UNC5A: variants seen among roughly 807,000 people sequenced by gnomAD.
UNC5A encodes the protein netrin receptor UNC5A.
Under a neutral mutation model 87.4 loss-of-function variants are expected in UNC5A, and 20 were observed. The ratio of observed to expected loss-of-function variants is 0.23; its 90% confidence interval spans 0.16 to 0.33. The LOEUF (loss-of-function observed/expected upper bound fraction) is 0.33, where lower values mean the gene tolerates loss of function less well. Ranked by LOEUF, UNC5A falls within the 10% of genes least tolerant of loss-of-function variation. UNC5A has a pLI of 1.00. For missense variants in UNC5A, 844 were observed against 1,133.4 expected, an observed-to-expected ratio of 0.74 and a Z score of 3.67; for synonymous variants, 438 against 482.3, an observed-to-expected ratio of 0.91 and a Z score of 1.20.
chr5:176,832,381 A>G (rs1160959688), intron 1 of UNC5A, among the ~76,000 whole-genome samples: 1 of 152,178 alleles, frequency 6.6e-6, no homozygotes, highest in Admixed American at 6.5e-5. Flanking sequence ...CAATGGCAGG[A>G]GCAAAGTCCA....
At chr5:176,853,934 C>A (rs548483460) in intron 1 of UNC5A, among the ~76,000 whole-genome samples, 1 of 152,352 alleles carries the variant, frequency 6.6e-6, no homozygotes, top group Non-Finnish European at 1.5e-5. Context: ...AAAACCTCAT[C>A]CGCTATTTGC....
At position 176,861,737 on chromosome 5, in the gene UNC5A, G is replaced by C. The variant is rs142562770; in HGVS notation, c.71-887G>C. Among the ~76,000 whole-genome samples, 3 of 152,340 alleles carry C rather than the reference G, an allele frequency of 2.0e-5. No homozygotes were observed. The East Asian group carries it at 5.8e-4, about 29-fold the overall frequency. On this transcript the variant is annotated intron_variant, in intron 1 of 14. Transcript: ENST00000329542. ...GGTCACCACTAAGATGAGCAGAATA[G>C]ATGGTCTGGAAACCCAGGGTTTCCC...
At chr5:176,877,788 G>C in intron 10 of UNC5A, 85 bp downstream of exon 10, 1 of 1,518,018 alleles carries the variant, frequency 6.6e-7, no homozygotes, top group East Asian at 2.4e-5. Context: ...GGGTGGTCCT[G>C]AGCCGCACCC....
chr5:176,846,430 GA>G (rs1757404396), intron 1 of UNC5A, among the ~76,000 whole-genome samples: 1 of 152,196 alleles, frequency 6.6e-6, no homozygotes. Flanking sequence ...AGACAGCAAA[GA>G]GTTTAATGAA....
Position 176,841,303 on chromosome 5 carries a change from GTGAA to G in UNC5A, c.71-21320_71-21317del, listed in dbSNP as rs1287822867. On this transcript the variant is annotated intron_variant, in intron 1 of 14. Coordinates refer to ENST00000329542, the MANE Select transcript of UNC5A (RefSeq NM_133369.3). The surrounding 1 kb of genome is among the most constrained non-coding windows in gnomAD (Gnocchi z 4.1). ...CTGTGCCAGAGTGAGCCAGCCAGAG[GTGAA>G]GCGGGGACTCAGACTCAGCTCCCAG... 6.6e-6 allele frequency among the ~76,000 whole-genome samples: 1 copy of G among 152,172 alleles called. No individual in the cohort carries two copies. The highest frequency in any genetic ancestry group is 1.5e-5 in the Non-Finnish European group (1 of 68,034).
chr5:176,878,677 C>T (rs478253), intron 13 of UNC5A, 38 bp downstream of exon 13: 571,857 of 1,582,150 alleles, frequency 0.36, 111,459 homozygotes, highest in Non-Finnish European at 0.41. Flanking sequence ...GTGACGTGCT[C>T]CCACTACCAA....
chr5:176,813,634 T>C (rs1368321337), intron 1 of UNC5A, among the ~76,000 whole-genome samples: 1 of 152,178 alleles, frequency 6.6e-6, no homozygotes, highest in Non-Finnish European at 1.5e-5. Flanking sequence ...GGGATAGGCA[T>C]TGATCCAGGT....
rs929072108 is a variant in UNC5A at position 176,862,823 on chromosome 5, G to A, written c.270G>A (p.Glu90=). The A allele has an allele frequency of 2.5e-6, 4 of 1,613,216 alleles. No homozygotes were observed. The highest frequency in any genetic ancestry group is 3.4e-6 in the Non-Finnish European group (4 of 1,179,878). ...TGCGCCAGGTGGACCACGTGATCGA[G>A]CGCAGCACAGACGGGAGCAGTGGTG... ...EWVRQVDHVI[E]RSTDGSSGLP... Residue 90 remains glutamate (E), a synonymous_variant, in exon 2 of 15, where the codon GAG becomes GAA. Coordinates refer to ENST00000329542, the MANE Select transcript of UNC5A (RefSeq NM_133369.3).
chr5:176,817,816 G>T (rs998313508), intron 1 of UNC5A, among the ~76,000 whole-genome samples: 1 of 151,870 alleles, frequency 6.6e-6, no homozygotes, highest in African/African-American at 2.4e-5. Context: ...CGGGGCTGCG[G>T]GAGGCTCGCG....
rs1251429107 is a variant in UNC5A, at chr5:176,877,942, C to T, written c.1684C>T (p.Gln562Ter). The T allele has an allele frequency of 6.2e-7, 1 of 1,603,872 alleles. No individual in the cohort carries two copies. Among genetic ancestry groups the T allele is most frequent in the Non-Finnish European group, 8.5e-7 (1 of 1,179,868 alleles). The part of the protein sequence containing the change: ...EEAPSHLYYC[Q>*]LEASACYVFT... ...GGCGCCCTCCCACCTCTACTACTGC[C>T]AGCTGGAGGCCAGTGCCTGCTACGT... The change falls in exon 11 of 15, where the codon CAG becomes TAG. Residue 562 changes from glutamine to a stop codon, truncating the protein, a stop_gained. Transcript: ENST00000329542. LOFTEE classifies it high-confidence loss of function.
At chr5:176,826,742 G>A (rs1756865333) in intron 1 of UNC5A, among the ~76,000 whole-genome samples, 1 of 145,714 alleles carries the variant, frequency 6.9e-6, no homozygotes. Flanking sequence ...CCGGGTTCAC[G>A]CCATTCTCCT....
chr5:176,877,930 C>A lies in UNC5A; in HGVS notation c.1672C>A (p.Leu558Ile). The part of the protein sequence containing the change: ...LHLGEEAPSH[L>I]YYCQLEASAC... ...CCTGGGCGAGGAGGCGCCCTCCCAC[C>A]TCTACTACTGCCAGCTGGAGGCCAG... Residue 558 changes from leucine (L) to isoleucine (I), a missense_variant, in exon 11 of 15, where the codon CTC (leucine) becomes ATC (isoleucine). Transcript: ENST00000329542. 1 of 1,603,456 alleles carries A rather than the reference C, an allele frequency of 6.2e-7. No individual in the cohort carries two copies.
chr5:176,840,684 C>A (rs368793119), intron 1 of UNC5A, among the ~76,000 whole-genome samples: 15 of 152,336 alleles, frequency 9.8e-5, no homozygotes, highest in African/African-American at 1.7e-4. Flanking sequence ...GCCTCTCCCC[C>A]CCTGGCCCAG....
intron 6 of UNC5A, among the ~76,000 whole-genome samples, chr5:176,871,767 C>T (rs1308136808): frequency 1.6e-5 from 1 of 63,020 alleles, no homozygotes; most frequent in Non-Finnish European, 4.1e-5. Flanking sequence ...TGCCCACACT[C>T]GCCCAACACC....
chr5:176,818,389 CCTT>C (rs1263618398), intron 1 of UNC5A, among the ~76,000 whole-genome samples: 1 of 152,250 alleles, frequency 6.6e-6, no homozygotes, highest in Non-Finnish European at 1.5e-5. Flanking sequence ...AATTCATTCT[CCTT>C]CTGCTAAGAG....
Position 176,848,803 on chromosome 5 carries a change from G to A in UNC5A, c.71-13821G>A, listed in dbSNP as rs979166707. Among the ~76,000 whole-genome samples the A allele has an allele frequency of 3.9e-5, 6 of 152,270 alleles. No homozygotes were observed. The highest frequency in any genetic ancestry group is 3.9e-4 in the East Asian group (2 of 5,180). ...ACGGGCACACAAGATGGGCAGCCGC[G>A]GCCTGGGCCCTGCGCGTCTCGGGAT... On this transcript the variant is annotated intron_variant, in intron 1 of 14. Transcript: ENST00000329542. The surrounding 1 kb of genome is among the most constrained non-coding windows in gnomAD (Gnocchi z 5.8).
chr5:176,843,005 A>T (rs1023267337), intron 1 of UNC5A, among the ~76,000 whole-genome samples: 1 of 152,130 alleles, frequency 6.6e-6, no homozygotes, highest in Non-Finnish European at 1.5e-5. Context: ...TACTAAAAAT[A>T]CAAAAATTAG....
rs1463708458 is a variant in UNC5A at position 176,877,981 on chromosome 5, C to T, written c.1723C>T (p.Leu575=). 1.2e-6 allele frequency: 2 copies of T among 1,605,610 alleles called. No individual in the cohort carries two copies. The highest frequency in any genetic ancestry group is 1.7e-6 in the Non-Finnish European group (2 of 1,179,938). ...TGCCTGCTACGTCTTCACCGAGCAGCTGGGCCGCTTTGCCCTGGTGGGAGA... is the reference window on the plus strand; with the variant it reads ...TGCCTGCTACGTCTTCACCGAGCAGTTGGGCCGCTTTGCCCTGGTGGGAGA... The part of the protein sequence containing the change: ...ASACYVFTEQ[L]GRFALVGEAL... The change falls in exon 11 of 15, where the codon CTG becomes TTG. Residue 575 remains leucine (L), a synonymous_variant. Coordinates refer to ENST00000329542, the MANE Select transcript of UNC5A (RefSeq NM_133369.3).
chr5:176,866,254 T>C lies in UNC5A; in HGVS notation c.293-1876T>C, dbSNP rs1581271916. Among the ~76,000 whole-genome samples, 2 of 152,054 alleles carry C rather than the reference T, an allele frequency of 1.3e-5. No homozygotes were observed. Among genetic ancestry groups the C allele is most frequent in the African/African-American group, 4.8e-5 (2 of 41,426 alleles). On this transcript the variant is annotated intron_variant, in intron 2 of 14. Coordinates refer to ENST00000329542, the MANE Select transcript of UNC5A (RefSeq NM_133369.3). The surrounding 1 kb of genome is among the most constrained non-coding windows in gnomAD (Gnocchi z 5.0). ...AGCGCACAGCCCCTCACATCAAAGA[T>C]GGGGTAGGGCCGGGTCTGCAGCCCC...
Sources: gnomAD v4.1 joint callset for allele counts (sites outside exome capture counted in the v4.1 genomes callset) on GRCh38, gnomAD v4.1.1 for gene constraint, Gnocchi (gnomAD v3.1) non-coding constraint, MANE v1.5 for transcripts, NCBI Gene and HGNC (gene_info 2026-07-23, HGNC 2026-07-21) for gene names.